CDH12: variants seen among roughly 807,000 people sequenced by gnomAD.
The protein encoded by CDH12 is cadherin-12.
In CDH12, 41 loss-of-function variants were observed where a neutral mutation model predicts 74.1. The ratio of observed to expected loss-of-function variants is 0.55; its 90% CI spans 0.43 to 0.72. The LOEUF (loss-of-function observed/expected upper bound fraction) is 0.72. CDH12 is among the 30% of genes least tolerant of loss of function. The pLI, the probability that CDH12 is intolerant of heterozygous loss-of-function variation, is 0.00. For synonymous variants in CDH12, 399 were observed against 355.0 expected (o/e 1.12, Z -1.39); for missense variants, 945 against 977.2 (o/e 0.97, Z 0.44).
chr5:22,083,001 T>G (rs1167432819), intron 4 of CDH12, among the ~76,000 whole-genome samples: 1 of 152,226 alleles, frequency 6.6e-6, no homozygotes. Context: ...TAGCAATAGT[T>G]TATTTTTGCT....
intron 1 of CDH12, among the ~76,000 whole-genome samples, chr5:22,807,964 A>C (rs142681958): frequency 6.6e-6 from 1 of 152,350 alleles, no homozygotes; most frequent in East Asian, 1.9e-4. Flanking sequence ...TAAATGTATA[A>C]AAAATAAAGT....
chr5:21,755,920 G>C (rs746465745), intron 13 of CDH12, 78 bp from the exon 14 acceptor site: 273 of 1,333,632 alleles, frequency 2.0e-4, no homozygotes, highest in Non-Finnish European at 2.6e-4. Context: ...CTGCTCAATA[G>C]TAAGAAGCTC....
chr5:22,102,416 C>G (rs1464618235), intron 4 of CDH12, among the ~76,000 whole-genome samples: 1 of 152,126 alleles, frequency 6.6e-6, no homozygotes, highest in Admixed American at 6.5e-5. Context: ...CGCCTGTTAT[C>G]CCAGCACTTT....
chr5:22,198,363 G>A (rs1044143849), intron 4 of CDH12, among the ~76,000 whole-genome samples: 1 of 151,718 alleles, frequency 6.6e-6, no homozygotes, highest in African/African-American at 2.4e-5. Flanking sequence ...CACCAAATAA[G>A]CATATCGTAT....
Position 22,434,420 on chromosome 5 carries a change from T to C in CDH12, c.-427-29069A>G, listed in dbSNP as rs566151363. 2.0e-5 allele frequency among the ~76,000 whole-genome samples: 3 copies of C among 152,256 alleles called. No homozygotes were observed. In the South Asian group the frequency reaches 6.2e-4, roughly 32 times the overall value. ...CCTCCTCCATTTCAATTTTTTCTTGTCCAAATTTTCCCCATTTTGCATTGA... is the reference window on the plus strand; with the variant it reads ...CCTCCTCCATTTCAATTTTTTCTTGCCCAAATTTTCCCCATTTTGCATTGA... On this transcript the variant is annotated intron_variant, in intron 2 of 14. Transcript: ENST00000382254.
chr5:22,381,279 T>G (rs544275192), intron 3 of CDH12, among the ~76,000 whole-genome samples: 1 of 152,196 alleles, frequency 6.6e-6, no homozygotes, highest in African/African-American at 2.4e-5. Flanking sequence ...TGTAATTAGT[T>G]AAAAATTATG....
chr5:22,531,426 ATACTT>A (rs1156383774), intron 1 of CDH12, among the ~76,000 whole-genome samples: 1 of 152,170 alleles, frequency 6.6e-6, no homozygotes, highest in Non-Finnish European at 1.5e-5. Flanking sequence ...AAATTTTTAA[ATACTT>A]TAAATTCAGA....
intron 1 of CDH12, among the ~76,000 whole-genome samples, chr5:22,667,713 A>G (rs1740694374): frequency 6.6e-6 from 1 of 152,218 alleles, no homozygotes; most frequent in Admixed American, 6.5e-5. Context: ...CCTCCAGTGT[A>G]ATGGTTAAAA....
At chr5:21,877,846 G>A (rs933526293) in intron 6 of CDH12, among the ~76,000 whole-genome samples, 10 of 152,274 alleles carry the variant, frequency 6.6e-5, no homozygotes, top group African/African-American at 2.4e-4. Context: ...TAGAGCATGA[G>A]CTTTCATAAA....
intron 3 of CDH12, among the ~76,000 whole-genome samples, chr5:22,339,640 A>G (rs1739757296): frequency 1.3e-5 from 2 of 152,212 alleles, no homozygotes; most frequent in Non-Finnish European, 2.9e-5. Flanking sequence ...AAATGTAACT[A>G]CAAAAGGGAT....
chr5:22,710,929 A>ATTGTCTGGTCACTTGCAATG (rs1743255508), intron 1 of CDH12, among the ~76,000 whole-genome samples: 2 of 152,150 alleles, frequency 1.3e-5, no homozygotes, highest in African/African-American at 4.8e-5. Flanking sequence ...AATTATTTGT[A>ATTGTCTGGTCACTTGCAATG]TATGTCATTT....
chr5:22,057,363 T>C (rs1227172256), intron 5 of CDH12, among the ~76,000 whole-genome samples: 1 of 152,104 alleles, frequency 6.6e-6, no homozygotes, highest in Non-Finnish European at 1.5e-5. Flanking sequence ...TACCTGGAAT[T>C]CCCTGATCCT....
intron 1 of CDH12, among the ~76,000 whole-genome samples, chr5:22,636,408 A>C (rs1019655282): frequency 6.6e-6 from 1 of 152,182 alleles, no homozygotes; most frequent in African/African-American, 2.4e-5. Context: ...AAAATGTGGA[A>C]ACTACCCAAA....
intron 3 of CDH12, among the ~76,000 whole-genome samples, chr5:22,398,421 CA>C: frequency 6.6e-6 from 1 of 152,204 alleles, no homozygotes; most frequent in South Asian, 2.1e-4. Flanking sequence ...AGGAATAACA[CA>C]AATAAGAGAG....
intron 10 of CDH12, among the ~76,000 whole-genome samples, chr5:21,795,590 C>T (rs1300516221): frequency 6.6e-6 from 1 of 151,920 alleles, no homozygotes; most frequent in Non-Finnish European, 1.5e-5. Flanking sequence ...ATATGTAGCA[C>T]TAAATATGCC....
chr5:22,671,179 AC>A (rs1740880132), intron 1 of CDH12, among the ~76,000 whole-genome samples: 2 of 152,096 alleles, frequency 1.3e-5, no homozygotes, highest in South Asian at 2.1e-4. Context: ...ATACTAATAC[AC>A]CCATGACACC....
At chr5:21,764,950 C>A (rs765497795) in intron 12 of CDH12, 28 bp downstream of exon 12, 1 of 1,611,638 alleles carries the variant, frequency 6.2e-7, no homozygotes, top group South Asian at 1.1e-5. Context: ...GGTCTTTATA[C>A]ACTCAAGGAA....
At chr5:21,974,943 A>C in intron 6 of CDH12, 148 bp downstream of exon 6, 1 of 629,194 alleles carries the variant, frequency 1.6e-6, no homozygotes, top group Non-Finnish European at 2.7e-6. Context: ...AAAACAAAAA[A>C]GTTACAAAAA....
At chr5:21,868,172 TTGCCTCTTTCTTTTG>T (rs1171578821) in intron 6 of CDH12, among the ~76,000 whole-genome samples, 1,693 of 135,806 alleles carry the variant, frequency 0.012, 67 homozygotes, top group African/African-American at 0.048. Flanking sequence ...CTTTTGTAAA[TTGCCTCTTTCTTTTG>T]TAAATTTCAC....
Sources: allele counts gnomAD v4.1 joint callset (sites outside exome capture counted in the v4.1 genomes callset), GRCh38; gene constraint gnomAD v4.1.1; transcripts MANE v1.5; gene names NCBI Gene and HGNC (gene_info 2026-07-23, HGNC 2026-07-21).